STK31: variants seen among roughly 807,000 people sequenced by gnomAD.
STK31 encodes the protein serine/threonine-protein kinase 31.
A neutral mutation model predicts 129.7 loss-of-function variants in STK31; 89 were observed. The observed-to-expected ratio is 0.69, with a 90% CI of 0.58 to 0.82. The LOEUF (loss-of-function observed/expected upper bound fraction) is 0.82, where lower values mean the gene tolerates loss of function less well. Ranked by LOEUF, STK31 falls within the 40% of genes least tolerant of loss-of-function variation. The pLI, the probability that STK31 is intolerant of heterozygous loss-of-function variation, is 0.00. For synonymous variants in STK31, 448 were observed against 395.3 expected (o/e 1.13, Z -1.58); for missense variants, 1,187 against 1,176.4 (o/e 1.01, Z -0.13).
intron 8 of STK31, among the ~76,000 whole-genome samples, chr7:23,742,793 C>T (rs1308220234): frequency 1.3e-5 from 2 of 151,948 alleles, no homozygotes; most frequent in East Asian, 3.9e-4. Flanking sequence ...ATTTCTGATT[C>T]TTCCCTGTGG....
chr7:23,727,280 A>C lies in STK31; in HGVS notation c.289A>C (p.Arg97=). The change falls in exon 5 of 24, where the codon AGA becomes CGA. Residue 97 remains arginine (R), a synonymous_variant. Transcript: ENST00000355870. Reference sequence around the variant, plus strand: ...ATTTTCTGAAGATCAGTGTTGGTACAGATGCAAAGTACTGAAAATCATCAG... The same window carrying C: ...ATTTTCTGAAGATCAGTGTTGGTACCGATGCAAAGTACTGAAAATCATCAG... ...GLFSEDQCWY[R]CKVLKIISVE... is the part of the protein sequence containing the mutation. The C allele has an allele frequency of 6.2e-7, 1 of 1,613,728 alleles. No individual in the cohort carries two copies. Among genetic ancestry groups the C allele is most frequent in the Non-Finnish European group, 8.5e-7 (1 of 1,179,800 alleles).
intron 17 of STK31, among the ~76,000 whole-genome samples, chr7:23,785,217 C>G (rs1296598890): frequency 2.0e-5 from 3 of 152,048 alleles, no homozygotes; most frequent in Non-Finnish European, 4.4e-5. Context: ...GGATGCATGT[C>G]TGGTTGATTC....
chr7:23,796,472 G>T (rs1304401306), intron 22 of STK31, among the ~76,000 whole-genome samples: 2 of 151,612 alleles, frequency 1.3e-5, no homozygotes, highest in Non-Finnish European at 2.9e-5. Context: ...TAAATATATT[G>T]TCTGATTTTC....
chr7:23,768,228 A>G (rs1789951839), intron 11 of STK31, among the ~76,000 whole-genome samples: 1 of 152,148 alleles, frequency 6.6e-6, no homozygotes, highest in Non-Finnish European at 1.5e-5. Context: ...TGCTTACATT[A>G]TTCAGCACAG....
At chr7:23,764,023 C>A (rs1789651885) in intron 11 of STK31, among the ~76,000 whole-genome samples, 1 of 152,100 alleles carries the variant, frequency 6.6e-6, no homozygotes, top group South Asian at 2.1e-4. Context: ...GACATCTGGG[C>A]ATTGTTTCTT....
intron 10 of STK31, among the ~76,000 whole-genome samples, chr7:23,755,799 T>C (rs924115798): frequency 4.6e-5 from 7 of 152,190 alleles, no homozygotes; most frequent in Non-Finnish European, 1.0e-4. Context: ...GAAGATCAGA[T>C]GGTTTTAGAT....
At chr7:23,783,774 C>A in intron 17 of STK31, 111 bp downstream of exon 17, 1 of 793,948 alleles carries the variant, frequency 1.3e-6, no homozygotes, top group Non-Finnish European at 1.9e-6. Context: ...AAAAATACTC[C>A]TGATGAATAT....
At chr7:23,778,943 G>T (rs922556398) in intron 15 of STK31, among the ~76,000 whole-genome samples, 1 of 152,170 alleles carries the variant, frequency 6.6e-6, no homozygotes, top group African/African-American at 2.4e-5. Context: ...CACCCTTTTT[G>T]TGCTGGTTTT....
At chr7:23,718,094 A>G (rs1393228416) in intron 4 of STK31, among the ~76,000 whole-genome samples, 1 of 152,168 alleles carries the variant, frequency 6.6e-6, no homozygotes, top group Non-Finnish European at 1.5e-5. Context: ...AAGATAGTCA[A>G]TTTTATGTTA....
At chr7:23,715,501 C>T (rs1402722266) in intron 3 of STK31, among the ~76,000 whole-genome samples, 2 of 151,364 alleles carry the variant, frequency 1.3e-5, no homozygotes, top group Non-Finnish European at 2.9e-5. Context: ...TGCTTGTGTT[C>T]CCAGCTATGT....
chr7:23,827,343 C>A lies in STK31; in HGVS notation c.2830-4793C>A, dbSNP rs1476549863. Among the ~76,000 whole-genome samples, 2 of 152,050 alleles carry A rather than the reference C, an allele frequency of 1.3e-5. 1 individual carries two copies. Among genetic ancestry groups the A allele is most frequent in the Admixed American group, 1.3e-4 (2 of 15,260 alleles). On this transcript the variant is annotated intron_variant, in intron 23 of 23. Coordinates refer to ENST00000355870, the MANE Select transcript of STK31 (RefSeq NM_031414.5). ...ACTTCTCTTCACACTTCATTTCATTCATTTCATCTTCCGTCACTGATACCC... is the reference window on the plus strand; with the variant it reads ...ACTTCTCTTCACACTTCATTTCATTAATTTCATCTTCCGTCACTGATACCC...
chr7:23,803,691 A>C (rs1448545096), intron 22 of STK31, among the ~76,000 whole-genome samples: 3 of 152,162 alleles, frequency 2.0e-5, no homozygotes, highest in African/African-American at 7.2e-5. Context: ...CCAGATACTA[A>C]GCCTAGTACC....
chr7:23,723,660 G>A (rs1786866299), intron 4 of STK31, among the ~76,000 whole-genome samples: 2 of 152,190 alleles, frequency 1.3e-5, no homozygotes, highest in South Asian at 4.1e-4. Context: ...CCACCATGTA[G>A]AAGGGTCATA....
chr7:23,758,300 T>C (rs1361042605), intron 10 of STK31, among the ~76,000 whole-genome samples: 4 of 152,242 alleles, frequency 2.6e-5, no homozygotes, highest in Non-Finnish European at 4.4e-5. Context: ...GGTATTTTTG[T>C]GGGGTCAGTG....
upstream of STK31, chr7:23,710,209 T>TG: frequency 6.2e-7 from 1 of 1,609,376 alleles, no homozygotes. Context: ...AGGCGCAGTG[T>TG]GGGGCCCTTG....
intron 8 of STK31, among the ~76,000 whole-genome samples, chr7:23,740,646 T>TG (rs1788002347): frequency 6.6e-6 from 1 of 151,812 alleles, no homozygotes. Context: ...CCTTCACCAC[T>TG]CCCCCCACCC....
chr7:23,770,500 T>A (rs78177212), intron 13 of STK31, among the ~76,000 whole-genome samples: 20,692 of 152,234 alleles, frequency 0.14, 1,402 homozygotes, highest in East Asian at 0.22. Flanking sequence ...AAGGTCTATA[T>A]ATTGTTTATA....
At chr7:23,720,018 G>GT (rs1786595022) in intron 4 of STK31, among the ~76,000 whole-genome samples, 1 of 152,060 alleles carries the variant, frequency 6.6e-6, no homozygotes, top group Admixed American at 6.6e-5. Context: ...AACAAAGAAT[G>GT]TCTGTTTTCA....
At chr7:23,725,699 G>A (rs1698579895) in intron 4 of STK31, among the ~76,000 whole-genome samples, 1 of 152,130 alleles carries the variant, frequency 6.6e-6, no homozygotes. Flanking sequence ...TGTACAAAAA[G>A]CATAACTCCA....
Sources: gnomAD v4.1 joint callset for allele counts (sites outside exome capture counted in the v4.1 genomes callset) on GRCh38, gnomAD v4.1.1 for gene constraint, MANE v1.5 for transcripts, NCBI Gene and HGNC (gene_info 2026-07-23, HGNC 2026-07-21) for gene names.